SPAG16: variants seen among roughly 807,000 people sequenced by gnomAD.
SPAG16 encodes sperm-associated antigen 16 protein.
In SPAG16, 86 loss-of-function variants were observed where a neutral mutation model predicts 80.4. The observed-to-expected ratio is 1.07, with a 90% CI of 0.90 to 1.28. The LOEUF is 1.28. SPAG16 is among the 50% of genes most tolerant of loss of function. The pLI is 0.00. For missense variants in SPAG16, 870 were observed against 765.3 expected, an observed-to-expected ratio of 1.14 and a Z score of -1.61; for synonymous variants, 294 against 265.9, an observed-to-expected ratio of 1.11 and a Z score of -1.03.
At chr2:213,409,760 T>G (rs1249985552) in intron 9 of SPAG16, among the ~76,000 whole-genome samples, 1 of 152,122 alleles carries the variant, frequency 6.6e-6, no homozygotes, top group African/African-American at 2.4e-5. Context: ...GTATTTGGCT[T>G]TCTTTGGTCT....
At chr2:214,243,961 G>A (rs1689668561) in intron 15 of SPAG16, among the ~76,000 whole-genome samples, 1 of 152,156 alleles carries the variant, frequency 6.6e-6, no homozygotes, top group African/African-American at 2.4e-5. Flanking sequence ...ACAGGAAAGT[G>A]TAATGTGATC....
intron 10 of SPAG16, among the ~76,000 whole-genome samples, chr2:213,687,925 G>A (rs901666737): frequency 4.6e-5 from 7 of 152,232 alleles, no homozygotes; most frequent in Admixed American, 4.6e-4. Flanking sequence ...GATTTATTCT[G>A]AGCCAAATAT....
At chr2:213,496,773 T>C (rs1041377245) in intron 10 of SPAG16, among the ~76,000 whole-genome samples, 1 of 151,056 alleles carries the variant, frequency 6.6e-6, no homozygotes, top group African/African-American at 2.4e-5. Context: ...CTATATTAAT[T>C]AAATTATATG....
At chr2:213,908,330 G>C (rs1434999876) in intron 11 of SPAG16, among the ~76,000 whole-genome samples, 1 of 152,134 alleles carries the variant, frequency 6.6e-6, no homozygotes, top group African/African-American at 2.4e-5. Context: ...TTCTCCTTTT[G>C]AACTCCACCT....
intron 10 of SPAG16, among the ~76,000 whole-genome samples, chr2:213,631,032 T>G (rs1407199575): frequency 6.6e-6 from 1 of 152,162 alleles, no homozygotes; most frequent in Non-Finnish European, 1.5e-5. Context: ...CTAAACGATC[T>G]GATGGTGCCG....
At chr2:213,354,452 G>GAA (rs1313054637) in intron 7 of SPAG16, among the ~76,000 whole-genome samples, 5 of 152,150 alleles carry the variant, frequency 3.3e-5, no homozygotes, top group African/African-American at 1.2e-4. Flanking sequence ...GATCCTTGAG[G>GAA]AATCACCACA....
chr2:213,630,995 T>G (rs973847686), intron 10 of SPAG16, among the ~76,000 whole-genome samples: 1 of 152,152 alleles, frequency 6.6e-6, no homozygotes, highest in African/African-American at 2.4e-5. Flanking sequence ...GGAAGGTTAC[T>G]CTTAGGAGGT....
chr2:213,715,405 G>C (rs949723354), intron 10 of SPAG16, among the ~76,000 whole-genome samples: 2 of 152,130 alleles, frequency 1.3e-5, no homozygotes, highest in African/African-American at 4.8e-5. Context: ...TTAGAGTAAG[G>C]ATCAAATTAG....
chr2:213,397,244 C>T (rs1450182138), intron 9 of SPAG16, among the ~76,000 whole-genome samples: 2 of 152,224 alleles, frequency 1.3e-5, no homozygotes, highest in African/African-American at 2.4e-5. Flanking sequence ...GATGTCCACA[C>T]TCAGCTCTCC....
At chr2:214,277,826 C>G (rs552379014) in intron 15 of SPAG16, among the ~76,000 whole-genome samples, 1 of 152,294 alleles carries the variant, frequency 6.6e-6, no homozygotes, top group African/African-American at 2.4e-5. Context: ...CTGGAAGAAC[C>G]ACTGCTCTCT....
intron 3 of SPAG16, 105 bp from the exon 4 acceptor site, chr2:213,309,954 G>GT (rs2063115135): frequency 1.5e-6 from 1 of 688,694 alleles, no homozygotes; most frequent in Non-Finnish European, 2.4e-6. Flanking sequence ...AACAAACATT[G>GT]TTGAAAAAAA....
At chr2:214,183,765 A>G (rs2057380496) in intron 15 of SPAG16, among the ~76,000 whole-genome samples, 1 of 151,990 alleles carries the variant, frequency 6.6e-6, no homozygotes, top group Admixed American at 6.6e-5. Context: ...TTGCAGTGAG[A>G]GCCTGCTTGT....
intron 11 of SPAG16, among the ~76,000 whole-genome samples, chr2:213,885,108 C>T (rs1045941509): frequency 1.3e-5 from 2 of 152,100 alleles, no homozygotes; most frequent in African/African-American, 4.8e-5. Context: ...GTACCCTTAA[C>T]TGTAGTTTAA....
At chr2:214,351,772 CA>C (rs1391162104) in intron 15 of SPAG16, among the ~76,000 whole-genome samples, 1 of 68,206 alleles carries the variant, frequency 1.5e-5, no homozygotes, top group Non-Finnish European at 5.4e-5. Flanking sequence ...AAAATTGTAT[CA>C]ATTTTTTTTT....
intron 13 of SPAG16, among the ~76,000 whole-genome samples, chr2:214,026,973 A>T (rs934679859): frequency 6.6e-6 from 1 of 151,524 alleles, no homozygotes; most frequent in Admixed American, 6.6e-5. Flanking sequence ...TAAATCTTGT[A>T]TATCTTTTGA....
intron 3 of SPAG16, among the ~76,000 whole-genome samples, chr2:213,300,430 T>C (rs922752133): frequency 6.6e-6 from 1 of 152,350 alleles, no homozygotes; most frequent in East Asian, 1.9e-4. Flanking sequence ...GGGAGATCTT[T>C]TGGGGTCCCC....
At chr2:213,639,805 T>C (rs139694142) in intron 10 of SPAG16, among the ~76,000 whole-genome samples, 4 of 152,200 alleles carry the variant, frequency 2.6e-5, no homozygotes, top group African/African-American at 9.6e-5. Flanking sequence ...AGGCCAGGGA[T>C]GTTTTCCTTG....
chr2:214,093,228 T>C (rs71428321), intron 13 of SPAG16, among the ~76,000 whole-genome samples: 13,565 of 152,110 alleles, frequency 0.089, 792 homozygotes, highest in East Asian at 0.29. Context: ...TTAAATTATA[T>C]GTTTTGGAAT....
At position 213,490,053 on chromosome 2, in the gene SPAG16, A is replaced by G; in HGVS notation, c.1033A>G (p.Lys345Glu). The change falls in exon 10 of 16, where the codon AAA (lysine) becomes GAA (glutamate). Residue 345 changes from lysine to glutamate, a missense_variant. By Grantham distance (56) the Lys-to-Glu change is moderately conservative (BLOSUM62 1). Coordinates refer to ENST00000331683, the MANE Select transcript of SPAG16 (RefSeq NM_024532.5). The part of the protein sequence containing the change: ...LSPAKFDYKL[K>E]NIFRLHELPV... ...TCCAGCAAAATTTGACTACAAGCTG[A>G]AAAACATTTTTAGACTCCATGAACT... 1 of 1,607,650 alleles carries G rather than the reference A, an allele frequency of 6.2e-7. No homozygotes were observed. The highest frequency in any genetic ancestry group is 8.5e-7 in the Non-Finnish European group (1 of 1,177,112).
Sources: allele counts gnomAD v4.1 joint callset (sites outside exome capture counted in the v4.1 genomes callset), GRCh38; gene constraint gnomAD v4.1.1; transcripts MANE v1.5; gene names NCBI Gene and HGNC (gene_info 2026-07-23, HGNC 2026-07-21).